Variants in C6orf62 observed in about 807,000 individuals in gnomAD.
The protein encoded by C6orf62 is chromosome 6 open reading frame 62.
A neutral mutation model predicts 26.8 loss-of-function variants in C6orf62; 16 were observed. The ratio of observed to expected loss-of-function variants is 0.60; its 90% CI spans 0.40 to 0.91. C6orf62 has a LOEUF of 0.91. C6orf62 is among the 40% of genes least tolerant of loss of function. The probability of loss-of-function intolerance (pLI) is 0.00; values close to 1 mark genes in which losing one functional copy is unlikely to be tolerated. For synonymous variants in C6orf62, 112 were observed against 91.5 expected (o/e 1.22, Z -1.28); for missense variants, 192 against 271.4 (o/e 0.71, Z 2.06).
upstream of C6orf62, chr6:24,719,667 T>C (rs915257141): frequency 6.9e-7 from 1 of 1,456,128 alleles, no homozygotes; most frequent in African/African-American, 1.4e-5. Flanking sequence ...AGTCCTACAT[T>C]CCCCAAGGGA....
chr6:24,709,834 A>C (rs1779085083), intron 3 of C6orf62: 2 of 985,432 alleles, frequency 2.0e-6, no homozygotes, highest in Non-Finnish European at 2.4e-6. Flanking sequence ...ACCTAGATTT[A>C]ACAATATGAT....
At position 24,706,032 on chromosome 6, in the gene C6orf62, C is replaced by T. The variant is rs1778999927; in HGVS notation, c.*105G>A. On this transcript the variant is annotated 3_prime_UTR_variant, in exon 5 of 5. Transcript: ENST00000378119. Reference sequence around the variant, plus strand: ...GTTTCAAAATGCATAGTGTTCTGTGCATGAGTCCATTTTCTTTAAACTCTG... The same window carrying T: ...GTTTCAAAATGCATAGTGTTCTGTGTATGAGTCCATTTTCTTTAAACTCTG... The T allele has an allele frequency of 6.8e-7, 1 of 1,477,658 alleles. No homozygotes were observed. The highest frequency in any genetic ancestry group is 2.3e-5 in the Admixed American group (1 of 42,830). The allele number at this position is 1,477,658 out of a possible 1,614,324, so 91.5% of individuals were successfully genotyped here.
chr6:24,720,444 T>TG (rs1779333633), upstream of C6orf62: 3 of 1,089,126 alleles, frequency 2.8e-6, no homozygotes, highest in African/African-American at 4.9e-5. Context: ...ACCCATAGTC[T>TG]GGCTCGGCGC....
chr6:24,717,925 TC>T (rs1779266443), intron 1 of C6orf62, among the ~76,000 whole-genome samples: 1 of 152,210 alleles, frequency 6.6e-6, no homozygotes, highest in Non-Finnish European at 1.5e-5. Flanking sequence ...GATTAAGACC[TC>T]CACCGCCCCT....
intron 4 of C6orf62, among the ~76,000 whole-genome samples, 199 bp from the exon 5 acceptor site, chr6:24,706,461 AAGTT>A (rs1398319549): frequency 3.9e-5 from 6 of 152,226 alleles, no homozygotes; most frequent in Non-Finnish European, 7.3e-5. Flanking sequence ...AGAAGATAAA[AAGTT>A]AGGGAAGTAA....
chr6:24,715,894 A>G (rs1263533880), intron 2 of C6orf62, among the ~76,000 whole-genome samples: 7 of 151,582 alleles, frequency 4.6e-5, no homozygotes, highest in Non-Finnish European at 1.0e-4. Context: ...AACACCTAAC[A>G]CAGATTAAAG....
chr6:24,719,433 G>A, upstream of C6orf62: 2 of 1,072,676 alleles, frequency 1.9e-6, no homozygotes, highest in Non-Finnish European at 2.3e-6. Flanking sequence ...AGTGTATACC[G>A]GGGGCGGGCA....
At chr6:24,711,747 G>A (rs1410676614) in intron 3 of C6orf62, among the ~76,000 whole-genome samples, 1 of 152,138 alleles carries the variant, frequency 6.6e-6, no homozygotes, top group Non-Finnish European at 1.5e-5. Context: ...TTTTCTTTGA[G>A]AAAGAACTGA....
In C6orf62 at chr6:24,718,528, A is replaced by G. The variant is rs1201307709; in HGVS notation, c.129+12T>C. ...TACTTGTGCTAATTCACCATTAAGA[A>G]CTTTAAATTACCTTCTCCTTGAATA... On this transcript the variant is annotated intron_variant, in intron 1 of 4. Coordinates refer to ENST00000378119, the MANE Select transcript of C6orf62 (RefSeq NM_030939.5). 3 of 1,590,482 alleles carry G rather than the reference A, an allele frequency of 1.9e-6. No individual in the cohort carries two copies. The highest frequency in any genetic ancestry group is 1.7e-6 in the Non-Finnish European group (2 of 1,164,344).
Position 24,706,064 on chromosome 6 carries a change from T to G in C6orf62, c.*73A>C, listed in dbSNP as rs1040694938. ...CCATTTTCTTTAAACTCTGAAAGAA[T>G]AAAGTGGTAAGAAAACAAGAAAAAA... On this transcript the variant is annotated 3_prime_UTR_variant, in exon 5 of 5. Transcript: ENST00000378119. 2 of 1,578,358 alleles carry G rather than the reference T, an allele frequency of 1.3e-6. No individual in the cohort carries two copies. The highest frequency in any genetic ancestry group is 2.7e-5 in the African/African-American group (2 of 73,936).
At chr6:24,715,328 T>C (rs1338040597) in intron 2 of C6orf62, among the ~76,000 whole-genome samples, 1 of 152,188 alleles carries the variant, frequency 6.6e-6, no homozygotes, top group African/African-American at 2.4e-5. Flanking sequence ...TTTTAACATG[T>C]TGCAGAAGTT....
Position 24,714,307 on chromosome 6 carries a change from G to C in C6orf62, c.429+11C>G, listed in dbSNP as rs751709880. 21 of 1,595,286 alleles carry C rather than the reference G, an allele frequency of 1.3e-5. No homozygotes were observed. Among genetic ancestry groups the C allele is most frequent in the Non-Finnish European group, 1.8e-5 (21 of 1,173,420 alleles). ...ATATTGAAATACTCATCACACTTTAGACCAAAATACCTGAACAGGCCTAAA... is the reference window on the plus strand; with the variant it reads ...ATATTGAAATACTCATCACACTTTACACCAAAATACCTGAACAGGCCTAAA... On this transcript the variant is annotated intron_variant, in intron 3 of 4. Coordinates refer to ENST00000378119, the MANE Select transcript of C6orf62 (RefSeq NM_030939.5).
At chr6:24,713,447 C>A (rs572023759) in intron 3 of C6orf62, among the ~76,000 whole-genome samples, 1 of 152,222 alleles carries the variant, frequency 6.6e-6, no homozygotes, top group East Asian at 1.9e-4. Context: ...ATAAGCACCA[C>A]AAAGATACTT....
At chr6:24,709,362 G>A (rs1294217161) in intron 3 of C6orf62, 4 of 984,956 alleles carry the variant, frequency 4.1e-6, no homozygotes, top group Admixed American at 6.2e-5. Context: ...TAAGCCCCAA[G>A]GACATCTCTT....
At chr6:24,708,974 A>G (rs2294686) in intron 3 of C6orf62, 63 bp from the exon 4 acceptor site, 93,687 of 1,604,772 alleles carry the variant, frequency 0.058, 10,980 homozygotes, top group East Asian at 0.46. Context: ...ATCTGCATCT[A>G]TATGCTAGCT....
At chr6:24,712,122 T>C (rs568133800) in intron 3 of C6orf62, among the ~76,000 whole-genome samples, 1 of 152,188 alleles carries the variant, frequency 6.6e-6, no homozygotes, top group African/African-American at 2.4e-5. Flanking sequence ...TGGTGGCTCA[T>C]ACCCGTAATC....
chr6:24,716,133 T>A lies in C6orf62; in HGVS notation c.306+15A>T. 1 of 1,608,896 alleles carries A rather than the reference T, an allele frequency of 6.2e-7. No homozygotes were observed. Among genetic ancestry groups the A allele is most frequent in the Non-Finnish European group, 8.5e-7 (1 of 1,176,216 alleles). ...ACAGAAACTTTATCAAGTCAAGACT[T>A]AAGGCAGAACTTACCCTTCTCATAG... On this transcript the variant is annotated intron_variant, in intron 2 of 4. Coordinates refer to ENST00000378119, the MANE Select transcript of C6orf62 (RefSeq NM_030939.5).
chr6:24,707,436 A>G (rs2127632082), intron 4 of C6orf62, among the ~76,000 whole-genome samples: 1 of 151,320 alleles, frequency 6.6e-6, no homozygotes, highest in Middle Eastern at 3.4e-3. Context: ...GCTCACTGCA[A>G]CTCTAAACTC....
intron 3 of C6orf62, among the ~76,000 whole-genome samples, chr6:24,711,579 G>A (rs767033779): frequency 6.6e-6 from 1 of 152,056 alleles, no homozygotes; most frequent in Non-Finnish European, 1.5e-5. Context: ...AGGATCACTT[G>A]AACCTAGGAG....
Sources: gnomAD v4.1 joint callset for allele counts (sites outside exome capture counted in the v4.1 genomes callset) on GRCh38, gnomAD v4.1.1 for gene constraint, MANE v1.5 for transcripts, NCBI Gene and HGNC (gene_info 2026-07-23, HGNC 2026-07-21) for gene names.